Variants in ERO1B observed in about 807,000 individuals in gnomAD.
The protein encoded by ERO1B is endoplasmic reticulum oxidoreductase 1 beta.
ERO1B carries 49 observed loss-of-function variants against 75.3 expected under a neutral mutation model. The observed-to-expected ratio is 0.65, with a 90% CI of 0.52 to 0.83. ERO1B has a LOEUF of 0.83. ERO1B is among the 40% of genes least tolerant of loss of function. The probability of loss-of-function intolerance (pLI) is 0.00; values close to 1 mark genes in which losing one functional copy is unlikely to be tolerated. For missense variants in ERO1B, 512 were observed against 560.1 expected (o/e 0.91, Z 0.87); for synonymous variants, 191 against 192.9 (o/e 0.99, Z 0.08).
chr1:236,235,059 C>T (rs1664508902), intron 8 of ERO1B, among the ~76,000 whole-genome samples: 1 of 152,200 alleles, frequency 6.6e-6, no homozygotes. Flanking sequence ...GTTTTTACAT[C>T]TAAATAAACT....
chr1:236,263,480 C>T (rs917731808), intron 2 of ERO1B, among the ~76,000 whole-genome samples: 1 of 151,984 alleles, frequency 6.6e-6, no homozygotes, highest in African/African-American at 2.4e-5. Flanking sequence ...GAACTCCTGA[C>T]CTCAAGTGAT....
intron 1 of ERO1B, among the ~76,000 whole-genome samples, chr1:236,279,887 A>G (rs1485138832): frequency 6.6e-6 from 1 of 151,974 alleles, no homozygotes; most frequent in African/African-American, 2.4e-5. Flanking sequence ...GGCAACAAAA[A>G]CCAAATATAT....
At chr1:236,256,329 AG>A (rs1341686154) in intron 2 of ERO1B, among the ~76,000 whole-genome samples, 4 of 152,024 alleles carry the variant, frequency 2.6e-5, no homozygotes, top group African/African-American at 9.7e-5. Flanking sequence ...CCAGACCAAA[AG>A]GTTACTCCTG....
At chr1:236,276,616 G>T (rs6662005) in intron 1 of ERO1B, among the ~76,000 whole-genome samples, 1 of 152,042 alleles carries the variant, frequency 6.6e-6, no homozygotes, top group South Asian at 2.1e-4. Context: ...GGACATCGGC[G>T]ACCTTGCCAA....
chr1:236,256,623 T>C (rs1484920476), intron 2 of ERO1B, among the ~76,000 whole-genome samples: 2 of 152,242 alleles, frequency 1.3e-5, no homozygotes, highest in African/African-American at 4.8e-5. Context: ...ATCAGAAGTC[T>C]CCCCCTGCTA....
chr1:236,242,195 T>A (rs944949125), intron 6 of ERO1B, among the ~76,000 whole-genome samples: 1 of 152,202 alleles, frequency 6.6e-6, no homozygotes, highest in Non-Finnish European at 1.5e-5. Context: ...ATAAGAGTAA[T>A]ATATAGTCAC....
chr1:236,232,281 A>T (rs111921474), intron 9 of ERO1B, among the ~76,000 whole-genome samples: 321 of 152,352 alleles, frequency 2.1e-3, no homozygotes, highest in Admixed American at 4.6e-3. Flanking sequence ...ACCATGTTTT[A>T]AACATCTTCC....
At chr1:236,234,809 T>C (rs1339400591) in intron 8 of ERO1B, among the ~76,000 whole-genome samples, 1 of 152,204 alleles carries the variant, frequency 6.6e-6, no homozygotes, top group East Asian at 1.9e-4. Context: ...GGCAGGTCAA[T>C]GACAGAGTTG....
chr1:236,216,857 C>CT lies in ERO1B; in HGVS notation c.*1658_*1659insA, dbSNP rs551840025. On this transcript the variant is annotated 3_prime_UTR_variant, in exon 16 of 16. Coordinates refer to ENST00000354619, the MANE Select transcript of ERO1B (RefSeq NM_019891.4). ...CTTTTTAGACAGTTTGCCTTAAGGC[C>CT]CCCCTCCCCCACCATACAATACTTG... is the stretch of plus-strand genomic sequence containing the variant. 1 of 149,780 alleles carries CT rather than the reference C, an allele frequency of 6.7e-6. No individual in the cohort carries two copies. Among genetic ancestry groups the CT allele is most frequent in the Non-Finnish European group, 1.5e-5 (1 of 67,740 alleles). The allele number at this position is 149,780 out of a possible 1,614,324, so 9.3% of individuals were successfully genotyped here.
In ERO1B at chr1:236,279,566, C is replaced by T. The variant is rs149634790; in HGVS notation, c.102+2116G>A. 1.3e-4 allele frequency among the ~76,000 whole-genome samples: 19 copies of T among 149,410 alleles called. 2 individuals carry two copies. The highest frequency in any genetic ancestry group is 4.4e-4 in the African/African-American group (18 of 40,582). On this transcript the variant is annotated intron_variant, in intron 1 of 15. Coordinates refer to ENST00000354619, the MANE Select transcript of ERO1B (RefSeq NM_019891.4). ...CTGGCGGCCTGGGCGCGGTGGCTCA[C>T]GCCTGTAATCCCAGCACTTTGGGAG... is the stretch of plus-strand genomic sequence containing the variant.
At chr1:236,255,374 A>G (rs1665138014) in intron 2 of ERO1B, among the ~76,000 whole-genome samples, 2 of 152,076 alleles carry the variant, frequency 1.3e-5, no homozygotes. Context: ...AGGCTTGCTA[A>G]AGTAGTGCTC....
rs1242860293 is a variant in ERO1B, at chr1:236,216,179, T to C, written c.*2337A>G. 1 of 152,180 alleles carries C rather than the reference T, an allele frequency of 6.6e-6. No individual in the cohort carries two copies. Among genetic ancestry groups the C allele is most frequent in the Non-Finnish European group, 1.5e-5 (1 of 68,008 alleles). 9.4% of individuals were successfully genotyped at this position (152,180 alleles called of 1,614,324 possible). On this transcript the variant is annotated 3_prime_UTR_variant, in exon 16 of 16. Coordinates refer to ENST00000354619, the MANE Select transcript of ERO1B (RefSeq NM_019891.4). Reference sequence around the variant, plus strand: ...TTTCCTTTTCTTCATTTTCATTACTTCATCAGTGGGTACAATCATTTCTGT... The same window carrying C: ...TTTCCTTTTCTTCATTTTCATTACTCCATCAGTGGGTACAATCATTTCTGT...
At chr1:236,263,379 G>A (rs1342264052) in intron 2 of ERO1B, among the ~76,000 whole-genome samples, 1 of 151,964 alleles carries the variant, frequency 6.6e-6, no homozygotes, top group Non-Finnish European at 1.5e-5. Context: ...CTCCCAAGTA[G>A]CTGGGATTAC....
At chr1:236,222,529 T>A (rs1300029363) in intron 13 of ERO1B, among the ~76,000 whole-genome samples, 1 of 134,380 alleles carries the variant, frequency 7.4e-6, no homozygotes, top group Non-Finnish European at 1.6e-5. Context: ...TTAATTCACT[T>A]TCCACTGAGG....
chr1:236,239,861 A>ATATATATATGTGTATATATATATG (rs1553371283), intron 6 of ERO1B, among the ~76,000 whole-genome samples: 1 of 27,178 alleles, frequency 3.7e-5, no homozygotes, highest in Non-Finnish European at 5.8e-5. Flanking sequence ...GTATATATGT[A>ATATATATATGTGTATATATATATG]TATATATATG....
rs1255549581 is a variant in ERO1B, at chr1:236,281,955, G to T, written c.-172C>A. 6.7e-5 allele frequency: 28 copies of T among 417,334 alleles called. No individual in the cohort carries two copies. The highest frequency in any genetic ancestry group is 8.6e-5 in the Non-Finnish European group (21 of 243,268). The allele number at this position is 417,334 out of a possible 1,614,324, so 25.9% of individuals were successfully genotyped here. The stretch of plus-strand genomic sequence containing the variant: ...TCTTTCCCCAACACCCGGCAGCTGC[G>T]AGTGAGGCAGGAAAGGCGAGCGCCC... On this transcript the variant is annotated 5_prime_UTR_variant, in exon 1 of 16. Coordinates refer to ENST00000354619, the MANE Select transcript of ERO1B (RefSeq NM_019891.4).
rs10924792 is a variant in ERO1B at position 236,226,831 on chromosome 1, T to C, written c.713-92A>G. 46,979 of 833,030 alleles carry C rather than the reference T, an allele frequency of 0.056. 4,113 individuals are homozygous for C. Among genetic ancestry groups the C allele is most frequent in the East Asian group, 0.4 (15,483 of 38,878 alleles). 51.6% of individuals were successfully genotyped at this position (833,030 alleles called of 1,614,324 possible). On this transcript the variant is annotated intron_variant, in intron 10 of 15. Transcript: ENST00000354619. Reference sequence around the variant, plus strand: ...GTTCAGTATGTAGGCTTATTTTTGATTGAAGAACATTAAAATAAATCAAGG... The same window carrying C: ...GTTCAGTATGTAGGCTTATTTTTGACTGAAGAACATTAAAATAAATCAAGG...
chr1:236,274,393 T>A (rs1435638932), intron 1 of ERO1B, among the ~76,000 whole-genome samples: 4 of 152,246 alleles, frequency 2.6e-5, no homozygotes, highest in South Asian at 2.1e-4. Flanking sequence ...AATGTTCATA[T>A]GTTTTATGAC....
At chr1:236,241,960 C>T (rs1157512482) in intron 6 of ERO1B, among the ~76,000 whole-genome samples, 2 of 150,814 alleles carry the variant, frequency 1.3e-5, no homozygotes, top group Non-Finnish European at 3.0e-5. Context: ...CCCAGCTACT[C>T]GGGAGGCTGA....
Sources: allele counts gnomAD v4.1 joint callset (sites outside exome capture counted in the v4.1 genomes callset), GRCh38; gene constraint gnomAD v4.1.1; transcripts MANE v1.5; gene names NCBI Gene and HGNC (gene_info 2026-07-23, HGNC 2026-07-21).